Variants in LRFN2 observed in about 807,000 individuals in gnomAD.
The protein encoded by LRFN2 is leucine-rich repeat and fibronectin type-III domain-containing protein 2.
Under a neutral mutation model 37.3 loss-of-function variants are expected in LRFN2, and 18 were observed. That is an observed-to-expected ratio of 0.48 (90% CI 0.33 to 0.72). LRFN2 has a LOEUF of 0.72. Among genes scored for constraint, LRFN2 ranks in the 30% least tolerant of loss-of-function variants. The pLI is 0.02. For missense variants in LRFN2, 1,006 were observed against 1,060.7 expected (o/e 0.95, Z 0.72); for synonymous variants, 556 against 466.6 (o/e 1.19, Z -2.47).
At position 40,392,120 on chromosome 6, in the gene LRFN2, A is replaced by T; in HGVS notation, c.2193T>A (p.Ala731=). 6.2e-7 allele frequency: 1 copy of T among 1,613,100 alleles called. No individual in the cohort carries two copies. Among genetic ancestry groups the T allele is most frequent in the Non-Finnish European group, 8.5e-7 (1 of 1,179,646 alleles). Residue 731 remains alanine (A), a synonymous_variant, in exon 3 of 3, where the codon GCT becomes GCA. Coordinates refer to ENST00000338305, the MANE Select transcript of LRFN2 (RefSeq NM_020737.3). The surrounding 1 kb of genome is among the most constrained non-coding windows in gnomAD (Gnocchi z 4.7). ...CCGGCACGACCCCTCCCGCCGCCGCAGCAGCAAAGTCCCCCATGTCGAAGG... is the reference window on the plus strand; with the variant it reads ...CCGGCACGACCCCTCCCGCCGCCGCTGCAGCAAAGTCCCCCATGTCGAAGG... ...SHSFDMGDFA[A]AAAGGVVPGG... is the part of the protein sequence containing the mutation.
chr6:40,513,771 GT>G (rs1353707285), intron 1 of LRFN2, among the ~76,000 whole-genome samples: 2 of 152,166 alleles, frequency 1.3e-5, no homozygotes, highest in African/African-American at 4.8e-5. Flanking sequence ...TTTAAGAGTA[GT>G]CAGGAAGGTC....
Position 40,568,070 on chromosome 6 carries a change from T to TTC in LRFN2, c.-19+18869_-19+18870dup, listed in dbSNP as rs369374949. Among the ~76,000 whole-genome samples the TTC allele has an allele frequency of 5.4e-4, 82 of 151,106 alleles. 1 individual carries two copies. The highest frequency in any genetic ancestry group is 6.8e-3 in the Middle Eastern group (2 of 294). On this transcript the variant is annotated intron_variant, in intron 1 of 2. Transcript: ENST00000338305. ...GTCTACAGTTTCCCCCTTCCTTCTCTTCTCTCTCTCTCTCTCTTATAAACT... is the reference window on the plus strand; with the variant it reads ...GTCTACAGTTTCCCCCTTCCTTCTCTTCTCTCTCTCTCTCTCTCTTATAAACT...
intron 2 of LRFN2, among the ~76,000 whole-genome samples, chr6:40,393,671 G>A (rs994348756): frequency 9.9e-5 from 15 of 152,152 alleles, no homozygotes; most frequent in Non-Finnish European, 1.6e-4. Context: ...TGAGAGTCAG[G>A]TCAGCCCTGA....
chr6:40,395,348 G>A (rs1439361404), intron 2 of LRFN2, among the ~76,000 whole-genome samples: 1 of 152,194 alleles, frequency 6.6e-6, no homozygotes, highest in Non-Finnish European at 1.5e-5. Context: ...TGACAGACAT[G>A]GAAGCATTTT....
chr6:40,413,512 C>G (rs2113807160), intron 2 of LRFN2, among the ~76,000 whole-genome samples: 1 of 152,318 alleles, frequency 6.6e-6, no homozygotes, highest in South Asian at 2.1e-4. Context: ...GTCTCTAGGG[C>G]TGAACCACGA....
intron 1 of LRFN2, among the ~76,000 whole-genome samples, chr6:40,524,877 A>C (rs944336472): frequency 6.6e-6 from 1 of 152,182 alleles, no homozygotes; most frequent in Non-Finnish European, 1.5e-5. Flanking sequence ...TGATTCTAGA[A>C]GCTCCATACC....
intron 1 of LRFN2, among the ~76,000 whole-genome samples, chr6:40,499,490 C>T (rs1277715043): frequency 6.6e-6 from 1 of 152,124 alleles, no homozygotes; most frequent in African/African-American, 2.4e-5. Context: ...TTCTGCAACA[C>T]AGTTTCAGGA....
At chr6:40,429,470 A>T (rs1333649433) in intron 2 of LRFN2, among the ~76,000 whole-genome samples, 1 of 152,218 alleles carries the variant, frequency 6.6e-6, no homozygotes, top group African/African-American at 2.4e-5. Flanking sequence ...AAATATATTT[A>T]TTTTCAAAAG....
intron 1 of LRFN2, among the ~76,000 whole-genome samples, chr6:40,558,301 G>A (rs1766927993): frequency 6.6e-6 from 1 of 152,188 alleles, no homozygotes; most frequent in African/African-American, 2.4e-5. Context: ...GACATTGCAT[G>A]GACTCTTTTC....
At chr6:40,424,216 C>G (rs549061934) in intron 2 of LRFN2, among the ~76,000 whole-genome samples, 52 of 152,236 alleles carry the variant, frequency 3.4e-4, no homozygotes, top group African/African-American at 1.2e-3. Context: ...ACCCCTGTTT[C>G]CCCAACATTG....
chr6:40,550,476 G>A (rs1195106472), intron 1 of LRFN2, among the ~76,000 whole-genome samples: 1 of 152,156 alleles, frequency 6.6e-6, no homozygotes, highest in African/African-American at 2.4e-5. Flanking sequence ...ATCCGTCAAA[G>A]TAGCACAGAA....
chr6:40,578,737 T>C (rs1187067084), intron 1 of LRFN2, among the ~76,000 whole-genome samples: 3 of 152,186 alleles, frequency 2.0e-5, no homozygotes, highest in Non-Finnish European at 4.4e-5. Flanking sequence ...CCAAGTACCT[T>C]ATGTATAGTA....
chr6:40,577,100 T>TCTC (rs1561913888), intron 1 of LRFN2, among the ~76,000 whole-genome samples: 8 of 119,568 alleles, frequency 6.7e-5, no homozygotes, highest in Non-Finnish European at 1.1e-4. Context: ...TTTCTTTTCT[T>TCTC]TTCCTTTCTT....
chr6:40,476,763 C>T (rs1764716403), intron 1 of LRFN2, among the ~76,000 whole-genome samples: 1 of 152,260 alleles, frequency 6.6e-6, no homozygotes, highest in Non-Finnish European at 1.5e-5. Flanking sequence ...TGTTTCGCCA[C>T]CACACTGGGG....
At chr6:40,562,831 T>TCACGCA (rs71543995) in intron 1 of LRFN2, among the ~76,000 whole-genome samples, 1 of 144,048 alleles carries the variant, frequency 6.9e-6, no homozygotes, top group African/African-American at 2.7e-5. Flanking sequence ...GTGCGTGCAC[T>TCACGCA]CACTCACACA....
chr6:40,451,555 A>G (rs550136147), intron 1 of LRFN2, among the ~76,000 whole-genome samples: 2 of 152,296 alleles, frequency 1.3e-5, no homozygotes, highest in Non-Finnish European at 2.9e-5. Context: ...TGAATTATCA[A>G]TCCTCAGACT....
intron 2 of LRFN2, among the ~76,000 whole-genome samples, chr6:40,421,753 C>A (rs959106173): frequency 3.3e-5 from 5 of 152,200 alleles, no homozygotes; most frequent in African/African-American, 9.6e-5. Context: ...ATGCTCTTGA[C>A]TGAATGGAGG....
At chr6:40,510,831 C>G (rs1231214746) in intron 1 of LRFN2, among the ~76,000 whole-genome samples, 1 of 152,096 alleles carries the variant, frequency 6.6e-6, no homozygotes, top group African/African-American at 2.4e-5. Flanking sequence ...TGACGGGGTT[C>G]TCGGCTTATA....
At chr6:40,536,251 G>A (rs924392952) in intron 1 of LRFN2, among the ~76,000 whole-genome samples, 2 of 151,732 alleles carry the variant, frequency 1.3e-5, no homozygotes, top group African/African-American at 4.8e-5. Flanking sequence ...TCTGAGGGGA[G>A]ACACAGCCCT....
Sources: gnomAD v4.1 joint callset for allele counts (sites outside exome capture counted in the v4.1 genomes callset) on GRCh38, gnomAD v4.1.1 for gene constraint, Gnocchi (gnomAD v3.1) non-coding constraint, MANE v1.5 for transcripts, NCBI Gene and HGNC (gene_info 2026-07-23, HGNC 2026-07-21) for gene names.